The following KCNMA1 variants were observed in gnomAD, a reference collection of about 807,000 sequenced individuals.
KCNMA1 encodes potassium calcium-activated channel subfamily M alpha 1, also known as Calcium-activated potassium channel subunit alpha-1.
KCNMA1 carries 29 observed loss-of-function variants against 140.0 expected under a neutral mutation model. The ratio of observed to expected loss-of-function variants is 0.21; its 90% CI spans 0.15 to 0.28. The LOEUF (loss-of-function observed/expected upper bound fraction) is 0.28, where lower values mean the gene tolerates loss of function less well. Among genes scored for constraint, KCNMA1 ranks in the 10% least tolerant of loss-of-function variants. The pLI, the probability that KCNMA1 is intolerant of heterozygous loss-of-function variation, is 1.00. For missense variants in KCNMA1, 880 were observed against 1,602.2 expected, an observed-to-expected ratio of 0.55 and a Z score of 7.70; for synonymous variants, 612 against 611.9, an observed-to-expected ratio of 1.00 and a Z score of 0.00.
At chr10:77,550,012 G>A (rs374429823) in intron 1 of KCNMA1, among the ~76,000 whole-genome samples, 1 of 152,218 alleles carries the variant, frequency 6.6e-6, no homozygotes, top group East Asian at 1.9e-4. Context: ...AGGATGCTAA[G>A]AAGGGAGCAA....
intron 2 of KCNMA1, among the ~76,000 whole-genome samples, chr10:77,253,632 A>C (rs2060112747): frequency 6.6e-6 from 1 of 152,200 alleles, no homozygotes; most frequent in Admixed American, 6.5e-5. Flanking sequence ...TGATAGGGTA[A>C]GAGAGGGAAG....
At chr10:77,018,595 C>T (rs898168447) in intron 17 of KCNMA1, among the ~76,000 whole-genome samples, 1 of 152,136 alleles carries the variant, frequency 6.6e-6, no homozygotes, top group African/African-American at 2.4e-5. Context: ...TTAATCCCAA[C>T]CTTTTGAAAT....
chr10:77,461,423 G>A (rs1398199114), intron 1 of KCNMA1, among the ~76,000 whole-genome samples: 2 of 152,052 alleles, frequency 1.3e-5, no homozygotes, highest in Non-Finnish European at 2.9e-5. Flanking sequence ...TTTACAGGGA[G>A]GGAAGCAAGG....
At chr10:77,624,267 C>T (rs1485637661) in intron 1 of KCNMA1, among the ~76,000 whole-genome samples, 1 of 152,196 alleles carries the variant, frequency 6.6e-6, no homozygotes, top group African/African-American at 2.4e-5. Context: ...GCCAGCCTAT[C>T]ATAGCACACT....
intron 1 of KCNMA1, among the ~76,000 whole-genome samples, chr10:77,597,528 T>A (rs2081289032): frequency 1.3e-5 from 2 of 152,106 alleles, no homozygotes; most frequent in Non-Finnish European, 2.9e-5. Context: ...AAATTGAAAT[T>A]TAAAAAGAAA....
intron 2 of KCNMA1, among the ~76,000 whole-genome samples, chr10:77,340,068 C>T (rs2090439804): frequency 6.6e-6 from 1 of 152,178 alleles, no homozygotes; most frequent in African/African-American, 2.4e-5. Context: ...GGAATCCTAA[C>T]TAACACAGAA....
intron 23 of KCNMA1, among the ~76,000 whole-genome samples, chr10:76,916,813 A>G (rs1199722124): frequency 6.6e-6 from 1 of 152,244 alleles, no homozygotes; most frequent in Non-Finnish European, 1.5e-5. Flanking sequence ...TTGGAGGTGC[A>G]TAATGCATAA....
At chr10:77,086,423 G>C (rs2096691902) in intron 11 of KCNMA1, 65 bp downstream of exon 11, 4 of 1,206,890 alleles carry the variant, frequency 3.3e-6, no homozygotes, top group Non-Finnish European at 4.9e-6. Flanking sequence ...TCAGCACAGA[G>C]TCAGGACTCC....
At chr10:77,360,006 A>G (rs75684610) in intron 2 of KCNMA1, among the ~76,000 whole-genome samples, 2 of 152,216 alleles carry the variant, frequency 1.3e-5, no homozygotes, top group Admixed American at 6.5e-5. Flanking sequence ...AATATTAATA[A>G]TATGAACCAC....
intron 14 of KCNMA1, among the ~76,000 whole-genome samples, chr10:77,041,944 G>A (rs1451949051): frequency 6.6e-6 from 1 of 152,176 alleles, no homozygotes; most frequent in Non-Finnish European, 1.5e-5. Context: ...CCATCTACTT[G>A]GTGACACTCC....
chr10:77,556,502 CAAAAAAAAAAAAA>C lies in KCNMA1; in HGVS notation c.378+80750_378+80762del, dbSNP rs11446237. Among the ~76,000 whole-genome samples the C allele has an allele frequency of 8.7e-5, 6 of 68,898 alleles. No individual in the cohort carries two copies. The South Asian group carries it at 3.1e-3, about 35-fold the overall frequency. 45.2% of individuals were successfully genotyped at this position (68,898 alleles called of 152,430 possible). A position where few individuals can be genotyped will look rare whatever the true frequency, so the allele number is the denominator to read the frequency against. On this transcript the variant is annotated intron_variant, in intron 1 of 27. Coordinates refer to ENST00000286628, the MANE Select transcript of KCNMA1 (RefSeq NM_001161352.2). ...CCTGGACAACAGAGTGGGACTATCT[CAAAAAAAAAAAAA>C]AAAAAAAAAAAGGGAATTCTATGCC...
chr10:77,330,100 T>C (rs1344471897), intron 2 of KCNMA1, among the ~76,000 whole-genome samples: 1 of 152,172 alleles, frequency 6.6e-6, no homozygotes, highest in Non-Finnish European at 1.5e-5. Context: ...ACCCCTTCTA[T>C]CCTCTGCCTG....
At chr10:77,304,779 T>A (rs988199197) in intron 2 of KCNMA1, among the ~76,000 whole-genome samples, 2 of 152,204 alleles carry the variant, frequency 1.3e-5, no homozygotes, top group South Asian at 4.1e-4. Flanking sequence ...TACCTAAAGA[T>A]GTTACTACTG....
At chr10:77,476,204 C>T (rs1028814091) in intron 1 of KCNMA1, among the ~76,000 whole-genome samples, 4 of 152,184 alleles carry the variant, frequency 2.6e-5, no homozygotes, top group Non-Finnish European at 5.9e-5. Flanking sequence ...TATTAGAACT[C>T]TCGGAATGCA....
intron 2 of KCNMA1, among the ~76,000 whole-genome samples, chr10:77,260,478 G>A (rs2061722164): frequency 1.3e-5 from 2 of 152,196 alleles, no homozygotes; most frequent in South Asian, 4.1e-4. Flanking sequence ...GGAGGTGGAG[G>A]CAGGTGGGTC....
intron 5 of KCNMA1, among the ~76,000 whole-genome samples, chr10:77,165,320 G>A (rs2098628416): frequency 6.6e-6 from 1 of 152,108 alleles, no homozygotes; most frequent in Non-Finnish European, 1.5e-5. Flanking sequence ...AATCAGTTCT[G>A]ACACATTGAA....
chr10:77,160,937 T>C (rs2098547309), intron 5 of KCNMA1, among the ~76,000 whole-genome samples: 1 of 152,188 alleles, frequency 6.6e-6, no homozygotes, highest in Non-Finnish European at 1.5e-5. Context: ...CTGCTTTCAC[T>C]CTCACCATGA....
intron 1 of KCNMA1, among the ~76,000 whole-genome samples, chr10:77,447,494 C>A (rs2097550121): frequency 6.6e-6 from 1 of 152,244 alleles, no homozygotes; most frequent in Admixed American, 6.5e-5. Flanking sequence ...AGCATTTCTA[C>A]TTGCTGACGG....
At position 76,905,737 on chromosome 10, in the gene KCNMA1, A is replaced by G. The variant is rs2047574405; in HGVS notation, c.3147+4229T>C. Among the ~76,000 whole-genome samples, 11 of 152,290 alleles carry G rather than the reference A, an allele frequency of 7.2e-5. No homozygotes were observed. In the South Asian group the frequency reaches 2.3e-3, roughly 32 times the overall value. Reference sequence around the variant, plus strand: ...CCATTCAAGCTATTTCATGTTCTTCAAATCAATTATCCTTATGTGACACTA... The same window carrying G: ...CCATTCAAGCTATTTCATGTTCTTCGAATCAATTATCCTTATGTGACACTA... On this transcript the variant is annotated intron_variant, in intron 25 of 27. Coordinates refer to ENST00000286628, the MANE Select transcript of KCNMA1 (RefSeq NM_001161352.2).
Sources: gnomAD v4.1 joint callset for allele counts (sites outside exome capture counted in the v4.1 genomes callset) on GRCh38, gnomAD v4.1.1 for gene constraint, MANE v1.5 for transcripts, NCBI Gene and HGNC (gene_info 2026-07-23, HGNC 2026-07-21) for gene names.